Variants in IAH1 observed in about 807,000 individuals in gnomAD.
IAH1 encodes isoamyl acetate hydrolyzing esterase 1 (putative), also known as isoamyl acetate-hydrolyzing esterase 1 homolog.
Under a neutral mutation model 26.7 loss-of-function variants are expected in IAH1, and 24 were observed. The observed-to-expected ratio is 0.90, with a 90% CI of 0.65 to 1.26. The LOEUF (loss-of-function observed/expected upper bound fraction) is 1.26, where lower values mean the gene tolerates loss of function less well. Ranked by LOEUF, IAH1 falls within the 50% of genes most tolerant of loss-of-function variation. The pLI is 0.00. For synonymous variants in IAH1, 140 were observed against 118.5 expected (o/e 1.18, Z -1.18); for missense variants, 300 against 299.9 (o/e 1.00, Z 0.00).
intron 5 of IAH1, 100 bp from the exon 6 acceptor site, chr2:9,488,047 T>C: frequency 1.0e-5 from 8 of 803,810 alleles, no homozygotes; most frequent in Non-Finnish European, 1.3e-5. Context: ...CTCAAACTCC[T>C]GTCTTCCAGT....
At chr2:9,474,083 C>T (rs1682321980), upstream of IAH1, among the ~76,000 whole-genome samples, 1 of 152,170 alleles carries the variant, frequency 6.6e-6, no homozygotes, top group African/African-American at 2.4e-5. The surrounding 1 kb of genome is among the most constrained non-coding windows in gnomAD (Gnocchi z 4.3). Flanking sequence ...CCACGAGGTA[C>T]TGCCAGGGTT....
intron 3 of IAH1, among the ~76,000 whole-genome samples, chr2:9,479,795 CTTTTTTTT>C (rs5829216): frequency 4.3e-5 from 3 of 69,848 alleles, no homozygotes; most frequent in South Asian, 6.9e-4. Context: ...CTGTGTATTG[CTTTTTTTT>C]TTTTTTTTTT....
At chr2:9,490,154 A>C, downstream of IAH1, 1 of 1,566,890 alleles carries the variant, frequency 6.4e-7, no homozygotes. Flanking sequence ...TGCACACTTA[A>C]GTCAGAAGAG....
downstream of IAH1, among the ~76,000 whole-genome samples, chr2:9,499,530 T>C (rs924526131): frequency 6.6e-6 from 1 of 152,092 alleles, no homozygotes; most frequent in Non-Finnish European, 1.5e-5. Context: ...GCCTCCCAAG[T>C]AGCTGGGACT....
chr2:9,498,437 C>A (rs550138524), downstream of IAH1, among the ~76,000 whole-genome samples: 94 of 152,206 alleles, frequency 6.2e-4, no homozygotes, highest in African/African-American at 2.2e-3. Context: ...TAAAAGTCAA[C>A]ACAAATAGAG....
At chr2:9,505,025 G>A in the IAH1 span, 2 of 941,638 alleles carry the variant, frequency 2.1e-6, no homozygotes, top group Non-Finnish European at 3.2e-6. Context: ...TTCTTGCTGT[G>A]AAGGGCAAAA....
In IAH1 at chr2:9,489,291, A is replaced by T. The variant is rs796345982; in HGVS notation, c.*962A>T. The T allele has an allele frequency of 1.8e-5, 2 of 110,618 alleles. No individual in the cohort carries two copies. Among genetic ancestry groups the T allele is most frequent in the Non-Finnish European group, 3.2e-5 (2 of 63,286 alleles). The allele number at this position is 110,618 out of a possible 1,614,324, so 6.9% of individuals were successfully genotyped here. A position where few individuals can be genotyped will look rare whatever the true frequency, so the allele number is the denominator to read the frequency against. On this transcript the variant is annotated 3_prime_UTR_variant, in exon 6 of 6. Coordinates refer to ENST00000497473, the MANE Select transcript of IAH1 (RefSeq NM_001039613.3). ...TTTTTTTTTTTTTTTTTTGAGGCAG[A>T]GTCTCACTCTGTCACCCAGGCTGGA... is the stretch of plus-strand genomic sequence containing the variant.
chr2:9,491,695 C>T (rs1662165829), downstream of IAH1, among the ~76,000 whole-genome samples: 1 of 152,242 alleles, frequency 6.6e-6, no homozygotes, highest in South Asian at 2.1e-4. Flanking sequence ...ACATGGCCAT[C>T]TGCTGCCCCA....
At chr2:9,484,787 A>C in intron 5 of IAH1, 1 of 476,606 alleles carries the variant, frequency 2.1e-6, no homozygotes, top group Non-Finnish European at 3.8e-6. Context: ...AGTGACATCA[A>C]TGAGCAACAC....
downstream of IAH1, chr2:9,493,019 C>T (rs1662289398): frequency 1.3e-6 from 2 of 1,530,154 alleles, no homozygotes; most frequent in Non-Finnish European, 1.8e-6. Context: ...AATGTCTTGA[C>T]CAAGTACTTC....
chr2:9,490,994 G>C, downstream of IAH1: 1 of 972,492 alleles, frequency 1.0e-6, no homozygotes. Flanking sequence ...GCTGCAACAT[G>C]ACCTTCCATC....
At chr2:9,502,262 G>A in the IAH1 span, 2 of 1,613,494 alleles carry the variant, frequency 1.2e-6, no homozygotes, top group Non-Finnish European at 1.7e-6. Context: ...TTTACAGCAA[G>A]GACTGTTCCT....
At position 9,488,909 on chromosome 2, in the gene IAH1, G is replaced by C. The variant is rs544974322; in HGVS notation, c.*580G>C. ...GGTGAGCACATTTCAGTTCTTAGGG[G>C]AAAAAAAGCTTTTAATGGCAATTTA... On this transcript the variant is annotated 3_prime_UTR_variant, in exon 6 of 6. Transcript: ENST00000497473. 6 of 152,162 alleles carry C rather than the reference G, an allele frequency of 3.9e-5. No homozygotes were observed. In the South Asian group the frequency reaches 1.2e-3, roughly 32 times the overall value. The allele number at this position is 152,162 out of a possible 1,614,324, so 9.4% of individuals were successfully genotyped here. A position where few individuals can be genotyped will look rare whatever the true frequency, so the allele number is the denominator to read the frequency against.
At chr2:9,503,212 C>T in the IAH1 span, among the ~76,000 whole-genome samples, 2,694 of 151,660 alleles carry the variant, frequency 0.018, 43 homozygotes, top group Non-Finnish European at 0.029. Context: ...CTAAGACACT[C>T]GGCAGCCAGA....
chr2:9,492,269 G>T (rs145421763), downstream of IAH1, among the ~76,000 whole-genome samples: 453 of 152,352 alleles, frequency 3.0e-3, 2 homozygotes, highest in African/African-American at 0.011. Context: ...ACAGATGCAA[G>T]TGAATGGATT....
downstream of IAH1, among the ~76,000 whole-genome samples, chr2:9,492,700 A>AAAT (rs1361511239): frequency 7.9e-5 from 12 of 152,302 alleles, no homozygotes; most frequent in East Asian, 2.1e-3. Context: ...CAACACACAA[A>AAAT]AATAGTATTT....
At chr2:9,476,674 G>A (rs896645918) in intron 2 of IAH1, among the ~76,000 whole-genome samples, 2 of 152,182 alleles carry the variant, frequency 1.3e-5, no homozygotes, top group Admixed American at 6.5e-5. Flanking sequence ...GCAGGGGAAG[G>A]GGGTCACAAG....
the IAH1 span, among the ~76,000 whole-genome samples, chr2:9,503,094 C>T: frequency 9.5e-5 from 14 of 147,684 alleles, no homozygotes; most frequent in Non-Finnish European, 2.1e-4. Flanking sequence ...GAGCCAAGAT[C>T]GCGCCACTGC....
At chr2:9,501,661 A>G in the IAH1 span, among the ~76,000 whole-genome samples, 2 of 152,206 alleles carry the variant, frequency 1.3e-5, no homozygotes, top group Non-Finnish European at 2.9e-5. Context: ...TGCTTCCTCC[A>G]CACTATTCCA....
Sources: allele counts gnomAD v4.1 joint callset (sites outside exome capture counted in the v4.1 genomes callset), GRCh38; gene constraint gnomAD v4.1.1; non-coding constraint Gnocchi (gnomAD v3.1); transcripts MANE v1.5; gene names NCBI Gene and HGNC (gene_info 2026-07-23, HGNC 2026-07-21).